Variants in HNF1A observed in about 807,000 individuals in gnomAD.
HNF1A encodes the protein hepatocyte nuclear factor 1-alpha.
HNF1A carries 21 observed loss-of-function variants against 62.2 expected under a neutral mutation model. The observed-to-expected ratio is 0.34, with a 90% CI of 0.24 to 0.49. The LOEUF (loss-of-function observed/expected upper bound fraction) is 0.49, where lower values mean the gene tolerates loss of function less well. Among genes scored for constraint, HNF1A ranks in the 20% least tolerant of loss-of-function variants. HNF1A has a pLI of 0.99. For synonymous variants in HNF1A, 374 were observed against 366.8 expected (o/e 1.02, Z -0.22); for missense variants, 687 against 832.3 (o/e 0.83, Z 2.15).
At chr12:120,993,155 T>C (rs1184947298) in intron 2 of HNF1A, among the ~76,000 whole-genome samples, 2 of 152,212 alleles carry the variant, frequency 1.3e-5, no homozygotes, top group Admixed American at 6.5e-5. Flanking sequence ...TGGAAAAATA[T>C]GTAAGCTCTC....
In HNF1A at chr12:120,994,322, C is replaced by G. The variant is rs193922606; in HGVS notation, c.872C>G (p.Pro291Arg). 29 of 1,609,652 alleles carry G rather than the reference C, an allele frequency of 1.8e-5. No homozygotes were observed. The African/African-American group carries it at 3.2e-4, about 18-fold the overall frequency. Residue 291 changes from proline (P) to arginine (R), a missense_variant, in exon 4 of 10, where the codon CCA becomes CGA. By Grantham distance (103) the Pro-to-Arg change is moderately radical. Around this residue, in one of 5 missense-constraint regions of HNF1A, gnomAD observed 408 missense variants for 455.3 expected, o/e 0.90. Transcript: ENST00000257555. ...ATGGACACGTACAGCGGGCCCCCCC[C>G]AGGGCCAGGCCCGGGACCTGCGCTG... ...LAMDTYSGPP[P>R]GPGPGPALPA...
intron 2 of HNF1A, 63 bp downstream of exon 2, chr12:120,989,095 G>A (rs769555457): frequency 3.0e-4 from 452 of 1,513,210 alleles, no homozygotes; most frequent in Non-Finnish European, 3.8e-4. Context: ...CTAACTCATA[G>A]GTGGGGGCTG....
chr12:120,987,262 CAGG>C (rs1565882811), intron 1 of HNF1A, among the ~76,000 whole-genome samples: 1 of 152,092 alleles, frequency 6.6e-6, no homozygotes, highest in Admixed American at 6.5e-5. Flanking sequence ...ATCACAAGAT[CAGG>C]AGATCGAGAC....
In HNF1A at chr12:120,978,869, G is replaced by C; in HGVS notation, c.101G>C (p.Gly34Ala). ...EALIQALGEP[G>A]PYLLAGEGPL... Reference sequence around the variant, plus strand: ...CTGATCCAGGCACTGGGTGAGCCGGGGCCCTACCTCCTGGCTGGAGAAGGC... The same window carrying C: ...CTGATCCAGGCACTGGGTGAGCCGGCGCCCTACCTCCTGGCTGGAGAAGGC... The change falls in exon 1 of 10, where the codon GGG becomes GCG. Residue 34 changes from glycine (G) to alanine (A), a missense_variant. By Grantham distance (60) the Gly-to-Ala change is moderately conservative. This residue lies in a region of HNF1A where 159 missense variants were observed against 154.4 expected (regional missense o/e 1.03). Transcript: ENST00000257555. 1 of 1,613,446 alleles carries C rather than the reference G, an allele frequency of 6.2e-7. No individual in the cohort carries two copies. Among genetic ancestry groups the C allele is most frequent in the Non-Finnish European group, 8.5e-7 (1 of 1,179,834 alleles).
intron 1 of HNF1A, among the ~76,000 whole-genome samples, chr12:120,987,343 C>T (rs1282111878): frequency 6.6e-6 from 1 of 151,592 alleles, no homozygotes; most frequent in East Asian, 1.9e-4. Context: ...GGCGTGGTGG[C>T]GGGTGCCTGT....
At chr12:120,985,006 C>A (rs112026919) in intron 1 of HNF1A, among the ~76,000 whole-genome samples, 1 of 145,906 alleles carries the variant, frequency 6.9e-6, no homozygotes, top group African/African-American at 2.6e-5. Flanking sequence ...AGTGCAGTGG[C>A]GCGATCACAG....
chr12:120,986,050 A>G (rs1876495962), intron 1 of HNF1A, among the ~76,000 whole-genome samples: 1 of 152,248 alleles, frequency 6.6e-6, no homozygotes, highest in Middle Eastern at 3.4e-3. Context: ...GTAATTTACA[A>G]AGTACACAAG....
rs549891902 is a variant in HNF1A at position 120,997,267 on chromosome 12, A to C, written c.1310-207A>C. 3.5e-6 allele frequency: 5 copies of C among 1,421,400 alleles called. No individual in the cohort carries two copies. In the Admixed American group the frequency reaches 1.4e-4, roughly 41 times the overall value. 88.0% of individuals were successfully genotyped at this position (1,421,400 alleles called of 1,614,324 possible). On this transcript the variant is annotated intron_variant, in intron 6 of 9. Transcript: ENST00000257555. Reference sequence around the variant, plus strand: ...GCCTGCCTCTCCCACTAGCCTAGACAAAGAGCTAAAGGCTCAGAGAGGGGG... The same window carrying C: ...GCCTGCCTCTCCCACTAGCCTAGACCAAGAGCTAAAGGCTCAGAGAGGGGG...
At chr12:120,980,961 T>G (rs1171177553) in intron 1 of HNF1A, 3 of 152,188 alleles carry the variant, frequency 2.0e-5, no homozygotes, top group African/African-American at 7.2e-5. Flanking sequence ...TGGGTTTTCT[T>G]TAATGCTAAC....
Position 120,999,292 on chromosome 12 carries a change from T to C in HNF1A, c.1526T>C (p.Val509Ala), listed in dbSNP as rs1254906202. The C allele has an allele frequency of 2.5e-6, 4 of 1,613,818 alleles. No homozygotes were observed. The highest frequency in any genetic ancestry group is 3.4e-6 in the Non-Finnish European group (4 of 1,180,002). The change falls in exon 8 of 10, where the codon GTG becomes GCG. Residue 509 changes from valine (V) to alanine (A), a missense_variant. Val to Ala is a moderately conservative substitution (Grantham distance 64, BLOSUM62 0). Transcript: ENST00000257555. ...GCCCTCTACAGCCACAAGCCCGAGGTGGCCCAGTACACCCACACGGGCCTG... is the reference window on the plus strand; with the variant it reads ...GCCCTCTACAGCCACAAGCCCGAGGCGGCCCAGTACACCCACACGGGCCTG... ...PHALYSHKPE[V>A]AQYTHTGLLP...
chr12:120,996,120 C>A lies in HNF1A; in HGVS notation c.956-142C>A. 9.8e-7 allele frequency: 1 copy of A among 1,019,004 alleles called. No homozygotes were observed. The highest frequency in any genetic ancestry group is 1.5e-6 in the Non-Finnish European group (1 of 673,632). 63.1% of individuals were successfully genotyped at this position (1,019,004 alleles called of 1,614,324 possible). On this transcript the variant is annotated intron_variant, in intron 4 of 9. Coordinates refer to ENST00000257555, the MANE Select transcript of HNF1A (RefSeq NM_000545.8). The surrounding 1 kb of genome is among the most constrained non-coding windows in gnomAD (Gnocchi z 4.5). ...CCCAGGGCTTGGCAAAAGGTAGAAA[C>A]AAAGGCAGATTTGCTGGCTGCATAA...
In HNF1A at chr12:120,989,627, C is replaced by T. The variant is rs55650566; in HGVS notation, c.526+595C>T. Among the ~76,000 whole-genome samples, 451 of 152,262 alleles carry T rather than the reference C, an allele frequency of 3.0e-3. 2 individuals carry two copies. Among genetic ancestry groups the T allele is most frequent in the African/African-American group, 0.01 (426 of 41,542 alleles). On this transcript the variant is annotated intron_variant, in intron 2 of 9. Coordinates refer to ENST00000257555, the MANE Select transcript of HNF1A (RefSeq NM_000545.8). ...GGGAGAAAAGCTCATTATGATCCAG[C>T]GAGTCATGTATTAGAATGGGACAAC...
intron 1 of HNF1A, among the ~76,000 whole-genome samples, chr12:120,986,535 G>A (rs1279599344): frequency 1.3e-5 from 2 of 152,196 alleles, no homozygotes; most frequent in Non-Finnish European, 2.9e-5. Context: ...CAGTCTGCCT[G>A]TTTCAGTGCT....
Position 120,999,643 on chromosome 12 carries a change from T to C in HNF1A, c.1768+16T>C, listed in dbSNP as rs763623263. On this transcript the variant is annotated intron_variant, in intron 9 of 9. Coordinates refer to ENST00000257555, the MANE Select transcript of HNF1A (RefSeq NM_000545.8). ...AGCCCCACAGGTGAGAGGCCCTGGCTCCACCCCCTCCCTTACTGTCCCTGC... is the reference window on the plus strand; with the variant it reads ...AGCCCCACAGGTGAGAGGCCCTGGCCCCACCCCCTCCCTTACTGTCCCTGC... 3.4e-5 allele frequency: 54 copies of C among 1,603,818 alleles called. No individual in the cohort carries two copies. Among genetic ancestry groups the C allele is most frequent in the Non-Finnish European group, 4.6e-5 (54 of 1,177,546 alleles).
chr12:120,999,773 G>A (rs1438728690), intron 9 of HNF1A, 146 bp downstream of exon 9: 2 of 1,127,218 alleles, frequency 1.8e-6, no homozygotes, highest in African/African-American at 3.1e-5. Flanking sequence ...AGGCGTGGAG[G>A]GGTGGGGTGG....
Position 120,997,836 on chromosome 12 carries a change from G to A in HNF1A, c.1501+171G>A, listed in dbSNP as rs1003914901. ...CCAGTGTGTTCCCATGTGAATGCAC[G>A]TATCTGTGTGTGTGCACGACTGCTT... is the stretch of plus-strand genomic sequence containing the variant. On this transcript the variant is annotated intron_variant, in intron 7 of 9. Coordinates refer to ENST00000257555, the MANE Select transcript of HNF1A (RefSeq NM_000545.8). 7 of 759,190 alleles carry A rather than the reference G, an allele frequency of 9.2e-6. No individual in the cohort carries two copies. The East Asian group carries it at 1.3e-4, about 14-fold the overall frequency. The allele number at this position is 759,190 out of a possible 1,614,324, so 47.0% of individuals were successfully genotyped here.
intron 6 of HNF1A, 23 bp from the exon 7 acceptor site, chr12:120,997,451 G>C: frequency 6.3e-7 from 1 of 1,589,780 alleles, no homozygotes; most frequent in Non-Finnish European, 8.5e-7. Flanking sequence ...GGGCCCAGCT[G>C]ATTCCCTCCC....
intron 2 of HNF1A, 56 bp downstream of exon 2, chr12:120,989,088 A>C: frequency 3.9e-6 from 6 of 1,519,536 alleles, no homozygotes; most frequent in Non-Finnish European, 5.4e-6. Flanking sequence ...CTCTCCCCTA[A>C]CTCATAGGTG....
rs1204330040 is a variant in HNF1A at position 120,999,366 on chromosome 12, G to A, written c.1600G>A (p.Ala534Thr). The part of the protein sequence containing the change: ...ITDTTNLSAL[A>T]SLTPTKQVFT... Reference sequence around the variant, plus strand: ...CGACACCACCAACCTGAGCGCCCTGGCCAGCCTCACGCCCACCAAGCAGGT... The same window carrying A: ...CGACACCACCAACCTGAGCGCCCTGACCAGCCTCACGCCCACCAAGCAGGT... Residue 534 changes from alanine to threonine, a missense_variant, in exon 8 of 10, where the codon GCC (alanine) becomes ACC (threonine). This residue lies in a region of HNF1A where 408 missense variants were observed against 455.3 expected (regional missense o/e 0.90). Coordinates refer to ENST00000257555, the MANE Select transcript of HNF1A (RefSeq NM_000545.8). 1 of 1,613,876 alleles carries A rather than the reference G, an allele frequency of 6.2e-7. No individual in the cohort carries two copies. Among genetic ancestry groups the A allele is most frequent in the Non-Finnish European group, 8.5e-7 (1 of 1,180,022 alleles).
Sources: gnomAD v4.1 joint callset for allele counts (sites outside exome capture counted in the v4.1 genomes callset) on GRCh38, gnomAD v4.1.1 for gene constraint, gnomAD v4.1.1 regional missense constraint, Gnocchi (gnomAD v3.1) non-coding constraint, MANE v1.5 for transcripts, NCBI Gene and HGNC (gene_info 2026-07-23, HGNC 2026-07-21) for gene names.